Variants in CIB1 observed in about 807,000 individuals in gnomAD.
CIB1 encodes the protein calcium and integrin binding 1, also known as calcium and integrin-binding protein 1.
In CIB1, 19 loss-of-function variants were observed where a neutral mutation model predicts 25.0. The observed-to-expected ratio is 0.76, with a 90% CI of 0.53 to 1.12. CIB1 has a LOEUF of 1.12. Among genes scored for constraint, CIB1 ranks in the 50% most tolerant of loss-of-function variants. The pLI, the probability that CIB1 is intolerant of heterozygous loss-of-function variation, is 0.00. For missense variants in CIB1, 236 were observed against 242.6 expected (o/e 0.97, Z 0.18); for synonymous variants, 104 against 98.5 (o/e 1.06, Z -0.33).
the CIB1 span, among the ~76,000 whole-genome samples, chr15:90,252,936 G>A: frequency 6.6e-6 from 1 of 152,162 alleles, no homozygotes; most frequent in East Asian, 1.9e-4. Context: ...CTGGGAGGCG[G>A]AGGTTGCAGT....
the CIB1 span, among the ~76,000 whole-genome samples, chr15:90,254,491 T>TTAAAAAAAAA: frequency 1.2e-5 from 1 of 84,242 alleles, no homozygotes; most frequent in African/African-American, 4.3e-5. Flanking sequence ...AGACTCCATC[T>TTAAAAAAAAA]AAAAAAAAAA....
At chr15:90,254,624 A>T in the CIB1 span, among the ~76,000 whole-genome samples, 224 of 151,544 alleles carry the variant, frequency 1.5e-3, 1 homozygote, top group Middle Eastern at 6.9e-3. Flanking sequence ...GATTGCTTGA[A>T]CTCAGGACTT....
At chr15:90,260,181 T>G in the CIB1 span, among the ~76,000 whole-genome samples, 1 of 152,182 alleles carries the variant, frequency 6.6e-6, no homozygotes, top group Non-Finnish European at 1.5e-5. Context: ...AATCGTACAC[T>G]AGAGTACTAG....
At chr15:90,241,832 G>T in the CIB1 span, 25 of 1,614,070 alleles carry the variant, frequency 1.5e-5, no homozygotes, top group Non-Finnish European at 1.8e-5. Flanking sequence ...CCCTCACAGG[G>T]GTCCGAGTAA....
At chr15:90,242,142 T>A in the CIB1 span, 1 of 1,233,022 alleles carries the variant, frequency 8.1e-7, no homozygotes, top group Non-Finnish European at 1.1e-6. Flanking sequence ...GGCTAGAGTG[T>A]AGTGGTATGA....
At chr15:90,262,425 A>G in the CIB1 span, 1 of 1,413,404 alleles carries the variant, frequency 7.1e-7, no homozygotes, top group Non-Finnish European at 9.2e-7. Flanking sequence ...CCTCATCCCC[A>G]TTTTTCCTCA....
the CIB1 span, chr15:90,253,408 C>A: frequency 6.8e-7 from 1 of 1,480,398 alleles, no homozygotes; most frequent in Admixed American, 1.8e-5. Context: ...GGGCTAGGGC[C>A]CCAGAATGAC....
At position 90,230,124 on chromosome 15, in the gene CIB1, G is replaced by A. The variant is rs974904926; in HGVS notation, c.*360C>T. ...ACACCCTCCCACGGGGACAGCCAGC[G>A]TGGGTGCGGCTTGACTTCCCGCTGG... On this transcript the variant is annotated 3_prime_UTR_variant, in exon 7 of 7. Transcript: ENST00000328649. 4 of 307,636 alleles carry A rather than the reference G, an allele frequency of 1.3e-5. No individual in the cohort carries two copies. The highest frequency in any genetic ancestry group is 9.9e-4 in the Middle Eastern group (1 of 1,012). 19.1% of individuals were successfully genotyped at this position (307,636 alleles called of 1,614,324 possible). A position where few individuals can be genotyped will look rare whatever the true frequency, so the allele number is the denominator to read the frequency against.
the CIB1 span, chr15:90,251,612 C>T: frequency 1.2e-6 from 2 of 1,613,236 alleles, no homozygotes; most frequent in South Asian, 1.1e-5. Flanking sequence ...CCCAGCCCGT[C>T]GCTCACACTG....
the CIB1 span, chr15:90,241,512 C>T: frequency 6.2e-5 from 100 of 1,613,574 alleles, no homozygotes; most frequent in Non-Finnish European, 8.1e-5. Context: ...CCCGGGCTTC[C>T]GTGTCGGCTT....
chr15:90,249,547 G>A, the CIB1 span: 1 of 152,266 alleles, frequency 6.6e-6, no homozygotes, highest in African/African-American at 2.4e-5. Flanking sequence ...CGGCGGCCAC[G>A]GGCTTGCTAG....
the CIB1 span, among the ~76,000 whole-genome samples, chr15:90,246,110 C>T: frequency 4.6e-5 from 7 of 151,802 alleles, no homozygotes; most frequent in Admixed American, 3.3e-4. Flanking sequence ...CCAGTCTCTA[C>T]AAAAATACAA....
chr15:90,257,775 C>G, the CIB1 span: 1 of 1,562,210 alleles, frequency 6.4e-7, no homozygotes, highest in South Asian at 1.1e-5. Context: ...CCCCACAGTC[C>G]CAGTAGCCCA....
chr15:90,242,810 G>A, the CIB1 span: 2 of 152,122 alleles, frequency 1.3e-5, no homozygotes, highest in Non-Finnish European at 2.9e-5. Flanking sequence ...TAGTCCTTTG[G>A]ACATTTATTT....
chr15:90,231,204 T>C lies in CIB1; in HGVS notation c.356A>G (p.Asp119Gly), dbSNP rs1316497708. ...HYAFRIFDFD[D>G]DGTLNREDLS... ...GTCTTCTCTGTTCAAGGTTCCGTCA[T>C]CATCAAAGTCTAGAGAGCAGACACA... Residue 119 changes from aspartate to glycine, a missense_variant, in exon 5 of 7, where the codon GAT (aspartate) becomes GGT (glycine). By Grantham distance (94) the Asp-to-Gly change is moderately conservative. Transcript: ENST00000328649. 5 of 1,582,318 alleles carry C rather than the reference T, an allele frequency of 3.2e-6. No individual in the cohort carries two copies. The highest frequency in any genetic ancestry group is 1.1e-5 in the South Asian group (1 of 89,284).
chr15:90,255,359 T>C, the CIB1 span, among the ~76,000 whole-genome samples: 8 of 152,180 alleles, frequency 5.3e-5, no homozygotes, highest in Non-Finnish European at 1.2e-4. Context: ...CTTAGTTTCC[T>C]TTTATCTTTT....
At chr15:90,234,015 C>T, upstream of CIB1, 2 of 1,088,826 alleles carry the variant, frequency 1.8e-6, no homozygotes, top group East Asian at 5.9e-5. Context: ...CCCGGGCCCG[C>T]CCCCTCCTAA....
the CIB1 span, among the ~76,000 whole-genome samples, chr15:90,248,457 G>T: frequency 6.6e-6 from 1 of 152,150 alleles, no homozygotes; most frequent in East Asian, 1.9e-4. Context: ...GTTCATGCCT[G>T]TAATCCCACC....
the CIB1 span, chr15:90,265,015 T>G: frequency 3.3e-4 from 492 of 1,494,750 alleles, 2 homozygotes; most frequent in African/African-American, 6.3e-3. Flanking sequence ...TCCCCAGGTT[T>G]CCAAAGGGCA....
Sources: gnomAD v4.1 joint callset for allele counts (sites outside exome capture counted in the v4.1 genomes callset) on GRCh38, gnomAD v4.1.1 for gene constraint, MANE v1.5 for transcripts, NCBI Gene and HGNC (gene_info 2026-07-23, HGNC 2026-07-21) for gene names.